The following TMEM51 variants were observed in gnomAD, a reference collection of about 807,000 sequenced individuals.
TMEM51 encodes transmembrane protein 51.
A neutral mutation model predicts 13.6 loss-of-function variants in TMEM51; 8 were observed. That is an observed-to-expected ratio of 0.59 (90% CI 0.35 to 1.07). The LOEUF is 1.07. TMEM51 is among the 50% of genes least tolerant of loss of function. The pLI is 0.02. For synonymous variants in TMEM51, 147 were observed against 144.4 expected, an observed-to-expected ratio of 1.02 and a Z score of -0.13; for missense variants, 279 against 330.7, an observed-to-expected ratio of 0.84 and a Z score of 1.21.
rs1644272488 is a variant in TMEM51 at position 15,207,542 on chromosome 1, C to T, written c.-266-2948C>T. ...CCAGATGTGCCTGGCTGTGATGGCC[C>T]CACTCAGGTCTCAGCCACTCTGATG... On this transcript the variant is annotated intron_variant, in intron 1 of 3. Coordinates refer to ENST00000376008, the MANE Select transcript of TMEM51 (RefSeq NM_001136218.2). This position sits in a 1 kb window ranked among gnomAD's most constrained non-coding sequence, Gnocchi z 4.6. Among the ~76,000 whole-genome samples, 1 of 152,208 alleles carries T rather than the reference C, an allele frequency of 6.6e-6. No homozygotes were observed. Among genetic ancestry groups the T allele is most frequent in the African/African-American group, 2.4e-5 (1 of 41,452 alleles).
intron 1 of TMEM51, among the ~76,000 whole-genome samples, chr1:15,209,802 C>G (rs1557856805): frequency 6.6e-6 from 1 of 152,118 alleles, no homozygotes; most frequent in South Asian, 2.1e-4. Context: ...GAGGCCAAGG[C>G]AAGAGGATCT....
At chr1:15,153,454 G>A (rs1452449373), upstream of TMEM51, among the ~76,000 whole-genome samples, 1 of 152,202 alleles carries the variant, frequency 6.6e-6, no homozygotes, top group African/African-American at 2.4e-5. Flanking sequence ...GGGAGGAGGG[G>A]GGATCAGGGC....
chr1:15,173,970 C>G (rs900955028), intron 1 of TMEM51, among the ~76,000 whole-genome samples: 13 of 152,206 alleles, frequency 8.5e-5, no homozygotes, highest in African/African-American at 2.9e-4. Flanking sequence ...GCTCCGGGGC[C>G]AGGCCATCTG....
rs139601621 is a variant in TMEM51, at chr1:15,179,678, A to G, written c.-267+25724A>G. Among the ~76,000 whole-genome samples, 131 of 152,222 alleles carry G rather than the reference A, an allele frequency of 8.6e-4. 1 individual carries two copies. The highest frequency in any genetic ancestry group is 4.6e-3 in the South Asian group (22 of 4,816). ...ATGCCTGTAACCTCAGCTACTTGGG[A>G]GGCTGAAACGGGAAGGATGGCTTGA... On this transcript the variant is annotated intron_variant, in intron 1 of 3. Transcript: ENST00000376008.
At chr1:15,203,041 T>C (rs2100319499) in intron 1 of TMEM51, among the ~76,000 whole-genome samples, 1 of 152,332 alleles carries the variant, frequency 6.6e-6, no homozygotes, top group Non-Finnish European at 1.5e-5. Context: ...TGCAGGGCAT[T>C]GGGTCAAGGC....
At chr1:15,157,154 G>A (rs991987682) in intron 1 of TMEM51, among the ~76,000 whole-genome samples, 3 of 152,130 alleles carry the variant, frequency 2.0e-5, no homozygotes, top group African/African-American at 2.4e-5. Flanking sequence ...GCCCCAAGAT[G>A]CTGACCAGAG....
intron 1 of TMEM51, among the ~76,000 whole-genome samples, chr1:15,158,760 A>T (rs1642671383): frequency 6.6e-6 from 1 of 152,114 alleles, no homozygotes; most frequent in Non-Finnish European, 1.5e-5. Context: ...TCAGTACTGG[A>T]AGTACTCGTA....
At chr1:15,184,792 C>T (rs1244832110) in intron 1 of TMEM51, among the ~76,000 whole-genome samples, 1 of 151,818 alleles carries the variant, frequency 6.6e-6, no homozygotes, top group Non-Finnish European at 1.5e-5. Context: ...GAGTATAGAG[C>T]TCTCAAGCAG....
chr1:15,159,655 C>G (rs1642706893), intron 1 of TMEM51, among the ~76,000 whole-genome samples: 1 of 152,208 alleles, frequency 6.6e-6, no homozygotes, highest in African/African-American at 2.4e-5. Flanking sequence ...CTCCCAGGTT[C>G]AAGCGATTCT....
chr1:15,207,116 G>A lies in TMEM51; in HGVS notation c.-266-3374G>A, dbSNP rs994967605. 6.6e-5 allele frequency among the ~76,000 whole-genome samples: 10 copies of A among 152,222 alleles called. No individual in the cohort carries two copies. Among genetic ancestry groups the A allele is most frequent in the African/African-American group, 1.7e-4 (7 of 41,468 alleles). ...TGATGTGAATGTGGCACAGCCCGGT[G>A]GAACCGGGGATCCCTTTCCCAATTA... On this transcript the variant is annotated intron_variant, in intron 1 of 3. Coordinates refer to ENST00000376008, the MANE Select transcript of TMEM51 (RefSeq NM_001136218.2). This position sits in a 1 kb window ranked among gnomAD's most constrained non-coding sequence, Gnocchi z 4.6.
At position 15,207,884 on chromosome 1, in the gene TMEM51, T is replaced by C. The variant is rs1010577160; in HGVS notation, c.-266-2606T>C. Among the ~76,000 whole-genome samples, 6 of 152,264 alleles carry C rather than the reference T, an allele frequency of 3.9e-5. No individual in the cohort carries two copies. On this transcript the variant is annotated intron_variant, in intron 1 of 3. Coordinates refer to ENST00000376008, the MANE Select transcript of TMEM51 (RefSeq NM_001136218.2). This position sits in a 1 kb window ranked among gnomAD's most constrained non-coding sequence, Gnocchi z 4.6. Reference sequence around the variant, plus strand: ...TGCATACGGATACAAGATTTGGGTATCTGGATCTTCCTGCAAGTTAGCTTT... The same window carrying C: ...TGCATACGGATACAAGATTTGGGTACCTGGATCTTCCTGCAAGTTAGCTTT...
rs1262146475 is a variant in TMEM51, at chr1:15,199,903, C to A, written c.-266-10587C>A. On this transcript the variant is annotated intron_variant, in intron 1 of 3. Coordinates refer to ENST00000376008, the MANE Select transcript of TMEM51 (RefSeq NM_001136218.2). ...AAGTGGGGACCGTAGCACTTCCTTC[C>A]CGGGGCTGCTGGGAGATGATGTGTG... is the stretch of plus-strand genomic sequence containing the variant. Among the ~76,000 whole-genome samples, 4 of 152,114 alleles carry A rather than the reference C, an allele frequency of 2.6e-5. No homozygotes were observed. In the East Asian group the frequency reaches 7.7e-4, roughly 29 times the overall value.
chr1:15,200,833 G>A (rs1365630374), intron 1 of TMEM51, among the ~76,000 whole-genome samples: 2 of 152,158 alleles, frequency 1.3e-5, no homozygotes, highest in African/African-American at 4.8e-5. Flanking sequence ...TTTTCATGAA[G>A]GGAAAAACGA....
chr1:15,194,122 G>C (rs1432177380), intron 1 of TMEM51, among the ~76,000 whole-genome samples: 3 of 152,162 alleles, frequency 2.0e-5, no homozygotes, highest in Non-Finnish European at 2.9e-5. Flanking sequence ...TCACACCCTT[G>C]AAAGTTTACC....
At chr1:15,204,109 C>A (rs1644207114) in intron 1 of TMEM51, among the ~76,000 whole-genome samples, 1 of 152,234 alleles carries the variant, frequency 6.6e-6, no homozygotes, top group African/African-American at 2.4e-5. Flanking sequence ...CACACAAGGA[C>A]AAATGCTGAG....
At chr1:15,181,382 T>C (rs1453998616) in intron 1 of TMEM51, among the ~76,000 whole-genome samples, 1 of 152,188 alleles carries the variant, frequency 6.6e-6, no homozygotes, top group Non-Finnish European at 1.5e-5. Flanking sequence ...TTTGAGGAAG[T>C]GACAGGATAG....
At chr1:15,192,455 C>CCTTTTTTTTT (rs3078876) in intron 1 of TMEM51, 2,019 of 170,302 alleles carry the variant, frequency 0.012, 85 homozygotes, top group South Asian at 0.03. Flanking sequence ...TCTTTCTTTT[C>CCTTTTTTTTT]TTTTCCTTTT....
intron 1 of TMEM51, among the ~76,000 whole-genome samples, chr1:15,171,880 C>T (rs1223309342): frequency 1.3e-5 from 2 of 152,130 alleles, no homozygotes; most frequent in African/African-American, 4.8e-5. Context: ...ACAGGACCTT[C>T]TAGCAGAAAC....
intron 1 of TMEM51, among the ~76,000 whole-genome samples, chr1:15,166,318 G>C (rs1180631680): frequency 6.6e-6 from 1 of 152,124 alleles, no homozygotes; most frequent in Admixed American, 6.5e-5. Flanking sequence ...CTGGTGGTTG[G>C]TTTACCCTTC....
Sources: gnomAD v4.1 joint callset for allele counts (sites outside exome capture counted in the v4.1 genomes callset) on GRCh38, gnomAD v4.1.1 for gene constraint, Gnocchi (gnomAD v3.1) non-coding constraint, MANE v1.5 for transcripts, NCBI Gene and HGNC (gene_info 2026-07-23, HGNC 2026-07-21) for gene names.